LCOR: variants seen among roughly 807,000 people sequenced by gnomAD.
LCOR encodes the protein ligand-dependent corepressor.
LCOR carries 14 observed loss-of-function variants against 64.4 expected under a neutral mutation model. The observed-to-expected ratio is 0.22, with a 90% confidence interval of 0.14 to 0.34. LCOR has a LOEUF of 0.34. Among genes scored for constraint, LCOR ranks in the 10% least tolerant of loss-of-function variants. The pLI, the probability that LCOR is intolerant of heterozygous loss-of-function variation, is 1.00. For synonymous variants in LCOR, 643 were observed against 642.5 expected, an observed-to-expected ratio of 1.00 and a Z score of -0.01; for missense variants, 1,686 against 1,765.3, an observed-to-expected ratio of 0.96 and a Z score of 0.80.
At chr10:96,856,449 A>C (rs973865695) in intron 2 of LCOR, among the ~76,000 whole-genome samples, 17 of 123,268 alleles carry the variant, frequency 1.4e-4, no homozygotes, top group African/African-American at 2.5e-4. Flanking sequence ...CTTTCCTTCT[A>C]CCCTACCTCC....
At chr10:96,847,162 G>A (rs996315904) in intron 2 of LCOR, among the ~76,000 whole-genome samples, 2 of 152,008 alleles carry the variant, frequency 1.3e-5, no homozygotes, top group East Asian at 3.9e-4. Flanking sequence ...GAGGATTGCT[G>A]GAGCCTGGGA....
intron 2 of LCOR, among the ~76,000 whole-genome samples, chr10:96,858,294 C>T (rs1233487909): frequency 6.6e-6 from 1 of 152,124 alleles, no homozygotes; most frequent in Non-Finnish European, 1.5e-5. Flanking sequence ...TTGTTCAGAG[C>T]ATGTTACTCT....
chr10:96,925,053 TTTTA>T (rs890459358), intron 4 of LCOR, among the ~76,000 whole-genome samples: 7 of 150,618 alleles, frequency 4.6e-5, no homozygotes, highest in South Asian at 2.1e-4. Flanking sequence ...TATTTATTTA[TTTTA>T]TTTATTTATT....
At chr10:96,979,413 G>C (rs567605561) in intron 7 of LCOR, among the ~76,000 whole-genome samples, 1 of 152,324 alleles carries the variant, frequency 6.6e-6, no homozygotes, top group South Asian at 2.1e-4. Context: ...CTAGTGAAAG[G>C]CCTGGCTGTC....
At position 96,983,685 on chromosome 10, in the gene LCOR, A is replaced by G; in HGVS notation, c.3225A>G (p.Gly1075=). ...QVNPIMPKEN[G]ASESGDPLDE... is the part of the protein sequence containing the mutation. ...ACCCCATAATGCCAAAGGAAAATGG[A>G]GCTTCAGAGAGTGGAGACCCCCTAG... is the stretch of plus-strand genomic sequence containing the variant. Residue 1075 remains glycine, a synonymous_variant, in exon 8 of 8, where the codon GGA becomes GGG. Coordinates refer to ENST00000421806, the MANE Select transcript of LCOR (RefSeq NM_001346516.2). This position sits in a 1 kb window ranked among gnomAD's most constrained non-coding sequence, Gnocchi z 4.5. The G allele has an allele frequency of 6.2e-7, 1 of 1,614,146 alleles. No homozygotes were observed. Among genetic ancestry groups the G allele is most frequent in the Non-Finnish European group, 8.5e-7 (1 of 1,180,028 alleles).
chr10:96,953,490 G>T (rs1220188185), intron 7 of LCOR, among the ~76,000 whole-genome samples: 3 of 152,190 alleles, frequency 2.0e-5, no homozygotes, highest in Admixed American at 6.5e-5. Context: ...GGTCACAGCT[G>T]CAGTGAGCCA....
intron 4 of LCOR, among the ~76,000 whole-genome samples, chr10:96,910,781 C>T (rs1042787311): frequency 2.1e-4 from 32 of 152,268 alleles, no homozygotes; most frequent in African/African-American, 7.5e-4. Context: ...TTTGGAAAAG[C>T]ACTTAGAAAT....
chr10:96,968,619 C>A (rs1401944898), intron 7 of LCOR, among the ~76,000 whole-genome samples: 1 of 151,916 alleles, frequency 6.6e-6, no homozygotes, highest in Admixed American at 6.6e-5. Context: ...GAGAGAATAC[C>A]CCAAGTTTGA....
chr10:96,936,193 C>G (rs550605975), intron 4 of LCOR, among the ~76,000 whole-genome samples: 2 of 152,198 alleles, frequency 1.3e-5, no homozygotes, highest in Non-Finnish European at 2.9e-5. Context: ...TTGGATCAGG[C>G]AAAGGAAATT....
chr10:96,877,473 G>A (rs1405915446), intron 2 of LCOR, among the ~76,000 whole-genome samples: 4 of 152,026 alleles, frequency 2.6e-5, no homozygotes, highest in Non-Finnish European at 5.9e-5. Flanking sequence ...GCAGTGAGCT[G>A]TGATCATGAC....
At chr10:96,853,606 T>C (rs1439540766) in intron 2 of LCOR, among the ~76,000 whole-genome samples, 1 of 152,162 alleles carries the variant, frequency 6.6e-6, no homozygotes, top group African/African-American at 2.4e-5. Context: ...ACTTGCTCCA[T>C]GTCTGGGGTG....
intron 7 of LCOR, among the ~76,000 whole-genome samples, chr10:96,971,172 T>C (rs972500803): frequency 3.3e-5 from 5 of 152,218 alleles, no homozygotes; most frequent in African/African-American, 9.6e-5. Context: ...ACTGCCTGTG[T>C]GCTTAGTCAA....
chr10:96,949,461 T>G (rs1389327004), intron 6 of LCOR, among the ~76,000 whole-genome samples, 166 bp downstream of exon 6: 1 of 152,222 alleles, frequency 6.6e-6, no homozygotes, highest in Non-Finnish European at 1.5e-5. Context: ...ACAGCTAAAG[T>G]TGTTACAGCC....
chr10:96,949,768 G>A (rs1188605516), intron 6 of LCOR, among the ~76,000 whole-genome samples: 1 of 152,108 alleles, frequency 6.6e-6, no homozygotes, highest in East Asian at 1.9e-4. Context: ...GAAACTGCTA[G>A]GGTTACAAAT....
At chr10:96,942,119 G>A (rs28599532) in intron 4 of LCOR, among the ~76,000 whole-genome samples, 3 of 141,980 alleles carry the variant, frequency 2.1e-5, no homozygotes, top group Non-Finnish European at 3.1e-5. Context: ...GTAGCGAGCC[G>A]AGATCACGCC....
At chr10:96,957,413 A>G (rs1847802652) in intron 7 of LCOR, 2 of 985,176 alleles carry the variant, frequency 2.0e-6, no homozygotes, top group African/African-American at 1.7e-5. Context: ...TTTTGCAAGA[A>G]TAAGCAAAGC....
chr10:96,905,965 TAAAC>T (rs1345310768), intron 2 of LCOR, among the ~76,000 whole-genome samples: 1 of 152,180 alleles, frequency 6.6e-6, no homozygotes, highest in East Asian at 1.9e-4. Flanking sequence ...TATAGCCAGA[TAAAC>T]AAAATGCCAT....
chr10:96,982,582 C>G lies in LCOR; in HGVS notation c.2122C>G (p.Gln708Glu), dbSNP rs1339025332. 1 of 1,614,092 alleles carries G rather than the reference C, an allele frequency of 6.2e-7. No homozygotes were observed. Among genetic ancestry groups the G allele is most frequent in the Non-Finnish European group, 8.5e-7 (1 of 1,180,018 alleles). Residue 708 changes from glutamine to glutamate, a missense_variant, in exon 8 of 8, where the codon CAG becomes GAG. By Grantham distance (29) the Gln-to-Glu change is conservative (BLOSUM62 2). Transcript: ENST00000421806. ...AGAAAGTCCTCAGTGCTCAGAAAATCAGAGTTCCCCAATGGGCTTGGAGCC... is the reference window on the plus strand; with the variant it reads ...AGAAAGTCCTCAGTGCTCAGAAAATGAGAGTTCCCCAATGGGCTTGGAGCC... ...REESPQCSEN[Q>E]SSPMGLEPPM...
chr10:96,863,815 G>T (rs1033042767), intron 2 of LCOR, among the ~76,000 whole-genome samples: 1 of 152,184 alleles, frequency 6.6e-6, no homozygotes, highest in Non-Finnish European at 1.5e-5. Context: ...GTTTGATTTA[G>T]TATGTTCTAC....
Sources: allele counts gnomAD v4.1 joint callset (sites outside exome capture counted in the v4.1 genomes callset), GRCh38; gene constraint gnomAD v4.1.1; non-coding constraint Gnocchi (gnomAD v3.1); transcripts MANE v1.5; gene names NCBI Gene and HGNC (gene_info 2026-07-23, HGNC 2026-07-21).